CHRNA4: variants seen among roughly 807,000 people sequenced by gnomAD.
CHRNA4 encodes cholinergic receptor nicotinic alpha 4 subunit.
A neutral mutation model predicts 48.9 loss-of-function variants in CHRNA4; 28 were observed. The ratio of observed to expected loss-of-function variants is 0.57; its 90% confidence interval spans 0.42 to 0.79. The LOEUF (loss-of-function observed/expected upper bound fraction) is 0.79. Among genes scored for constraint, CHRNA4 ranks in the 30% least tolerant of loss-of-function variants. The pLI is 0.00. For synonymous variants in CHRNA4, 425 were observed against 402.3 expected (o/e 1.06, Z -0.68); for missense variants, 859 against 898.4 (o/e 0.96, Z 0.56).
Position 63,349,898 on chromosome 20 carries a change from G to A in CHRNA4, c.1513C>T (p.Gln505Ter), listed in dbSNP as rs2068557476. ...CGAGAGGCCAGGGCGCCGGCAGCCT[G>A]GCCATCTGCCTCGGGGGCGGCATCG... ...RDDAAPEADG[Q>*]AAGALASRNT... The change falls in exon 5 of 6, where the codon CAG becomes TAG. Residue 505 changes from glutamine to a stop codon, truncating the protein, a stop_gained. Transcript: ENST00000370263. LOFTEE classifies it high-confidence loss of function. The A allele has an allele frequency of 6.3e-7, 1 of 1,595,378 alleles. No homozygotes were observed. Among genetic ancestry groups the A allele is most frequent in the Non-Finnish European group, 8.6e-7 (1 of 1,169,402 alleles).
intron 4 of CHRNA4, chr20:63,354,653 C>T (rs2068691161): frequency 3.1e-6 from 3 of 982,978 alleles, no homozygotes; most frequent in Non-Finnish European, 2.4e-6. Context: ...GGGCTGTGGT[C>T]CTCAGAGGCT....
At chr20:63,359,525 A>T (rs370993281) in intron 2 of CHRNA4, 23 bp downstream of exon 2, 2 of 1,612,464 alleles carry the variant, frequency 1.2e-6, no homozygotes, top group South Asian at 2.2e-5. Context: ...GTCACAGTGC[A>T]CGATGGCCAC....
chr20:63,356,017 G>A lies in CHRNA4; in HGVS notation c.341C>T (p.Pro114Leu). The A allele has an allele frequency of 1.2e-6, 2 of 1,611,214 alleles. No individual in the cohort carries two copies. Among genetic ancestry groups the A allele is most frequent in the Admixed American group, 3.3e-5 (2 of 59,834 alleles). Residue 114 changes from proline (P) to leucine (L), a missense_variant, in exon 4 of 6, where the codon CCC becomes CTC. Pro to Leu is a moderately conservative substitution (Grantham distance 98). Transcript: ENST00000370263. The part of the protein sequence containing the change: ...DYENVTSIRI[P>L]SELIWRPDIV... Reference sequence around the variant, plus strand: ...GTCCGGCCGCCAGATGAGCTCGGAGGGGATGCGGATGGAGGTGACATTCTC... The same window carrying A: ...GTCCGGCCGCCAGATGAGCTCGGAGAGGATGCGGATGGAGGTGACATTCTC...
intron 4 of CHRNA4, among the ~76,000 whole-genome samples, chr20:63,352,128 C>G (rs749038865): frequency 3.3e-5 from 5 of 152,074 alleles, no homozygotes; most frequent in Non-Finnish European, 5.9e-5. Flanking sequence ...CCACCTCTGC[C>G]AAGCTGCCTG....
Position 63,346,535 on chromosome 20 carries a change from T to G in CHRNA4, c.*203A>C, listed in dbSNP as rs1165012717. Reference sequence around the variant, plus strand: ...CTGCCTCCTGAGGCCACAGTCCAACTGGAAGCAGCTCCACACTCGGTCTCC... The same window carrying G: ...CTGCCTCCTGAGGCCACAGTCCAACGGGAAGCAGCTCCACACTCGGTCTCC... On this transcript the variant is annotated 3_prime_UTR_variant, in exon 6 of 6. Transcript: ENST00000370263. The G allele has an allele frequency of 1.3e-6, 1 of 777,548 alleles. No homozygotes were observed. Among genetic ancestry groups the G allele is most frequent in the Non-Finnish European group, 2.2e-6 (1 of 459,460 alleles). The allele number at this position is 777,548 out of a possible 1,614,324, so 48.2% of individuals were successfully genotyped here.
Position 63,346,424 on chromosome 20 carries a change from G to T in CHRNA4, c.*314C>A. ...AGACTGGGAGGAGTGAGTTCCATCT[G>T]CAGGGGAGCTCAGGAGACTCTTGAA... is the stretch of plus-strand genomic sequence containing the variant. On this transcript the variant is annotated 3_prime_UTR_variant, in exon 6 of 6. Transcript: ENST00000370263. The T allele has an allele frequency of 1.8e-6, 1 of 549,130 alleles. No individual in the cohort carries two copies. 34.0% of individuals were successfully genotyped at this position (549,130 alleles called of 1,614,324 possible). A position where few individuals can be genotyped will look rare whatever the true frequency, so the allele number is the denominator to read the frequency against.
At chr20:63,349,207 C>T (rs932736303) in intron 5 of CHRNA4, among the ~76,000 whole-genome samples, 1 of 152,128 alleles carries the variant, frequency 6.6e-6, no homozygotes, top group Non-Finnish European at 1.5e-5. Flanking sequence ...ATCCAGGCCC[C>T]AGATACGGAG....
intron 2 of CHRNA4, among the ~76,000 whole-genome samples, chr20:63,357,633 G>A (rs1446043367): frequency 6.9e-6 from 1 of 144,504 alleles, no homozygotes; most frequent in East Asian, 2.1e-4. Context: ...CCGCAAAGGG[G>A]GCACAGGTGA....
At position 63,359,660 on chromosome 20, in the gene CHRNA4, C is replaced by T. The variant is rs1412355004; in HGVS notation, c.116G>A (p.Arg39Gln). The stretch of plus-strand genomic sequence containing the variant: ...ACCGGAGAAGAGTTTCTTCAGGAGC[C>T]GCTCCTCGGCGTGGGCCCGGGTCTC... ...HVETRAHAEE[R>Q]LLKKLFSGYN... Residue 39 changes from arginine (R) to glutamine (Q), a missense_variant, in exon 2 of 6, where the codon CGG becomes CAG. Around this residue, in one of 3 missense-constraint regions of CHRNA4, gnomAD observed 342 missense variants for 365.3 expected, o/e 0.94. Transcript: ENST00000370263. 4.3e-6 allele frequency: 7 copies of T among 1,611,996 alleles called. No homozygotes were observed. The highest frequency in any genetic ancestry group is 3.3e-5 in the Admixed American group (2 of 60,030).
In CHRNA4 at chr20:63,359,608, G is replaced by T. The variant is rs2145408353; in HGVS notation, c.168C>A (p.Ala56=). ...GGACGAGGACCACGTCCGAGATGTT[G>T]GCCACGGGTCGGGACCACTTGTTGT... is the stretch of plus-strand genomic sequence containing the variant. ...SGYNKWSRPV[A]NISDVVLVRF... The change falls in exon 2 of 6, where the codon GCC becomes GCA. Residue 56 remains alanine (A), a synonymous_variant. Transcript: ENST00000370263. 6.2e-7 allele frequency: 1 copy of T among 1,612,744 alleles called. No individual in the cohort carries two copies. Among genetic ancestry groups the T allele is most frequent in the Non-Finnish European group, 8.5e-7 (1 of 1,179,938 alleles).
At chr20:63,358,187 G>A (rs184866035) in intron 2 of CHRNA4, among the ~76,000 whole-genome samples, 16 of 152,290 alleles carry the variant, frequency 1.1e-4, no homozygotes, top group Non-Finnish European at 1.5e-5. Flanking sequence ...GGTCTGGGTG[G>A]CCAACCCTGG....
chr20:63,357,032 C>CCCCACAGGACCACAT (rs1555839761), intron 2 of CHRNA4, among the ~76,000 whole-genome samples: 1 of 148,410 alleles, frequency 6.7e-6, no homozygotes. Flanking sequence ...AGAACCACGT[C>CCCCACAGGACCACAT]CCCACAGGAC....
Position 63,349,667 on chromosome 20 carries a change from C to T in CHRNA4, c.1744G>A (p.Asp582Asn). The change falls in exon 5 of 6, where the codon GAC becomes AAC. Residue 582 changes from aspartate (D) to asparagine (N), a missense_variant. Asp to Asn is a conservative substitution (Grantham distance 23). Transcript: ENST00000370263. ...QYIADHLKAEDTDFSVKEDWK... is the reference protein window; with the variant it reads ...QYIADHLKAENTDFSVKEDWK... ...GCGGGACTTACCGAGAAGTCTGTGT[C>T]TTCGGCCTTCAGGTGGTCTGCAATG... The T allele has an allele frequency of 1.9e-6, 3 of 1,612,868 alleles. No individual in the cohort carries two copies. The highest frequency in any genetic ancestry group is 1.3e-5 in the African/African-American group (1 of 75,066).
Position 63,356,988 on chromosome 20 carries a change from C to T in CHRNA4, c.229-573G>A, listed in dbSNP as rs540821670. ...TCCACATCCCCACAGGACCACGTCCCCACCGACCACATCTCCATGGACCAC... is the reference window on the plus strand; with the variant it reads ...TCCACATCCCCACAGGACCACGTCCTCACCGACCACATCTCCATGGACCAC... On this transcript the variant is annotated intron_variant, in intron 2 of 5. Transcript: ENST00000370263. 6.8e-5 allele frequency among the ~76,000 whole-genome samples: 10 copies of T among 146,138 alleles called. No homozygotes were observed. In the South Asian group the frequency reaches 2.3e-3, roughly 33 times the overall value.
chr20:63,357,124 G>A (rs60944701), intron 2 of CHRNA4, among the ~76,000 whole-genome samples: 3,504 of 127,972 alleles, frequency 0.027, 325 homozygotes, highest in African/African-American at 0.09. Flanking sequence ...ACAGGACCAC[G>A]TCTCCACGGA....
intron 2 of CHRNA4, among the ~76,000 whole-genome samples, chr20:63,357,765 C>T (rs1188557244): frequency 2.0e-5 from 3 of 152,180 alleles, no homozygotes; most frequent in South Asian, 2.1e-4. Context: ...TCCGTGCACA[C>T]GTGGCCCTCG....
chr20:63,351,799 A>T (rs1016789688), intron 4 of CHRNA4, among the ~76,000 whole-genome samples: 1 of 152,224 alleles, frequency 6.6e-6, no homozygotes, highest in African/African-American at 2.4e-5. Flanking sequence ...CAGGTGGGCA[A>T]CAGAGCAATG....
chr20:63,359,945 G>A (rs993572309), intron 1 of CHRNA4: 18 of 470,494 alleles, frequency 3.8e-5, no homozygotes, highest in African/African-American at 3.0e-4. Flanking sequence ...CGTGGCGTGC[G>A]CTGACCTCTC....
In CHRNA4 at chr20:63,344,620, G is replaced by C; in HGVS notation, c.*2118C>G. The stretch of plus-strand genomic sequence containing the variant: ...CCTGACCCAGAAAAGAACAACCACA[G>C]CTGGGCCCAGCACCCCGGGCCACTC... On this transcript the variant is annotated 3_prime_UTR_variant, in exon 6 of 6. Coordinates refer to ENST00000370263, the MANE Select transcript of CHRNA4 (RefSeq NM_000744.7). This position sits in a 1 kb window ranked among gnomAD's most constrained non-coding sequence, Gnocchi z 4.5. The C allele has an allele frequency of 2.2e-6, 1 of 453,796 alleles. No homozygotes were observed. The allele number at this position is 453,796 out of a possible 1,614,324, so 28.1% of individuals were successfully genotyped here.
Sources: allele counts gnomAD v4.1 joint callset (sites outside exome capture counted in the v4.1 genomes callset), GRCh38; gene constraint gnomAD v4.1.1; regional missense constraint gnomAD v4.1.1; non-coding constraint Gnocchi (gnomAD v3.1); transcripts MANE v1.5; gene names NCBI Gene and HGNC (gene_info 2026-07-23, HGNC 2026-07-21).